PARD3B: variants seen among roughly 807,000 people sequenced by gnomAD.
PARD3B encodes the protein partitioning defective 3 homolog B.
A neutral mutation model predicts 130.2 loss-of-function variants in PARD3B; 103 were observed. The observed-to-expected ratio is 0.79, with a 90% CI of 0.67 to 0.93. The LOEUF is 0.93. Among genes scored for constraint, PARD3B ranks in the 40% least tolerant of loss-of-function variants. The pLI, the probability that PARD3B is intolerant of heterozygous loss-of-function variation, is 0.00. For missense variants in PARD3B, 1,609 were observed against 1,499.2 expected (o/e 1.07, Z -1.21); for synonymous variants, 583 against 553.2 (o/e 1.05, Z -0.76).
At chr2:204,797,354 A>G (rs867202528) in intron 2 of PARD3B, among the ~76,000 whole-genome samples, 1 of 152,148 alleles carries the variant, frequency 6.6e-6, no homozygotes. Context: ...TTATGTTTAA[A>G]TGGATTACAA....
At chr2:204,760,637 A>T (rs933527364) in intron 2 of PARD3B, among the ~76,000 whole-genome samples, 2 of 152,096 alleles carry the variant, frequency 1.3e-5, no homozygotes, top group Non-Finnish European at 2.9e-5. Context: ...TATTAAACTT[A>T]TCTCTCTTTT....
At chr2:205,354,466 A>C (rs1226751890) in intron 18 of PARD3B, among the ~76,000 whole-genome samples, 2 of 88,638 alleles carry the variant, frequency 2.3e-5, no homozygotes, top group Non-Finnish European at 3.1e-5. Flanking sequence ...TAATAAAAAA[A>C]ATGAAAAAAA....
rs576247378 is a variant in PARD3B, at chr2:204,721,396, G to A, written c.222+35114G>A. Among the ~76,000 whole-genome samples, 7 of 152,240 alleles carry A rather than the reference G, an allele frequency of 4.6e-5. No individual in the cohort carries two copies. The East Asian group carries it at 9.7e-4, about 21-fold the overall frequency. On this transcript the variant is annotated intron_variant, in intron 2 of 22. Coordinates refer to ENST00000406610, the MANE Select transcript of PARD3B (RefSeq NM_001302769.2). ...TCAGGCTAGTGAAAAAGGGCCAGTC[G>A]TTTCAGAGGCTGGAGGGGCTCTTTT...
At chr2:204,857,340 C>T (rs1390672364) in intron 2 of PARD3B, among the ~76,000 whole-genome samples, 2 of 152,104 alleles carry the variant, frequency 1.3e-5, no homozygotes, top group Non-Finnish European at 2.9e-5. Context: ...GTATCTGTCT[C>T]TCAAGCTATT....
chr2:205,098,500 G>A (rs972292557), intron 4 of PARD3B, among the ~76,000 whole-genome samples: 11 of 152,096 alleles, frequency 7.2e-5, no homozygotes, highest in African/African-American at 2.7e-4. Context: ...ATTTTGTAGC[G>A]ACACTAGACC....
intron 5 of PARD3B, among the ~76,000 whole-genome samples, chr2:205,110,449 C>G (rs1349257033): frequency 6.6e-6 from 1 of 152,128 alleles, no homozygotes; most frequent in African/African-American, 2.4e-5. Flanking sequence ...TCAATTAGAT[C>G]TTAGAGCATT....
At chr2:204,806,830 A>C (rs185828410) in intron 2 of PARD3B, among the ~76,000 whole-genome samples, 1 of 152,326 alleles carries the variant, frequency 6.6e-6, no homozygotes, top group East Asian at 1.9e-4. Flanking sequence ...AAATGGGCAA[A>C]AGATTTGAAT....
chr2:204,932,230 A>G (rs183478384), intron 2 of PARD3B, among the ~76,000 whole-genome samples: 1 of 152,114 alleles, frequency 6.6e-6, no homozygotes, highest in African/African-American at 2.4e-5. Flanking sequence ...GGCTCAAAGT[A>G]TTGTTGAAGC....
intron 14 of PARD3B, among the ~76,000 whole-genome samples, chr2:205,190,478 T>C (rs1368216677): frequency 6.6e-6 from 1 of 152,190 alleles, no homozygotes; most frequent in Non-Finnish European, 1.5e-5. Flanking sequence ...GTAAGCCACA[T>C]AGTAAAAGGT....
At chr2:204,604,821 A>C (rs140555851) in intron 1 of PARD3B, among the ~76,000 whole-genome samples, 3 of 152,296 alleles carry the variant, frequency 2.0e-5, no homozygotes, top group Non-Finnish European at 4.4e-5. Context: ...ATTTTATGAT[A>C]TCTCTTGGGC....
chr2:205,521,558 T>TTC (rs1553536415), intron 21 of PARD3B, among the ~76,000 whole-genome samples: 52 of 151,596 alleles, frequency 3.4e-4, no homozygotes, highest in Admixed American at 2.6e-3. Context: ...TATGATTTTT[T>TTC]TTCTTTTTCT....
chr2:204,930,186 T>A (rs949755190), intron 2 of PARD3B, among the ~76,000 whole-genome samples: 8 of 151,970 alleles, frequency 5.3e-5, no homozygotes, highest in African/African-American at 1.9e-4. Context: ...AAACCCTGTG[T>A]TCATTTACAT....
At chr2:205,359,465 A>G (rs2044310827) in intron 18 of PARD3B, among the ~76,000 whole-genome samples, 1 of 152,168 alleles carries the variant, frequency 6.6e-6, no homozygotes, top group South Asian at 2.1e-4. Context: ...ACTGAGTGCA[A>G]AGAGTTGGGT....
intron 4 of PARD3B, among the ~76,000 whole-genome samples, chr2:205,081,626 T>C (rs1175365364): frequency 6.6e-6 from 1 of 152,220 alleles, no homozygotes; most frequent in South Asian, 2.1e-4. Flanking sequence ...GTGTTAAATT[T>C]TGTCAAATAT....
chr2:205,557,334 T>C (rs2052934498), intron 22 of PARD3B, among the ~76,000 whole-genome samples: 2 of 152,314 alleles, frequency 1.3e-5, no homozygotes, highest in South Asian at 4.1e-4. Context: ...ATTCCAACCC[T>C]TTCTACTCCC....
At chr2:205,556,354 G>A (rs1031842776) in intron 22 of PARD3B, among the ~76,000 whole-genome samples, 4 of 152,094 alleles carry the variant, frequency 2.6e-5, no homozygotes, top group African/African-American at 7.2e-5. Context: ...TGGAGCCATC[G>A]ACACAGAGAG....
chr2:205,202,476 T>C (rs1331747900), intron 15 of PARD3B, among the ~76,000 whole-genome samples: 2 of 152,228 alleles, frequency 1.3e-5, no homozygotes, highest in Non-Finnish European at 2.9e-5. Context: ...AAACAATATC[T>C]TTTGTGTAGG....
chr2:204,573,526 G>C lies in PARD3B; in HGVS notation c.120+27407G>C, dbSNP rs561828428. 1.6e-4 allele frequency among the ~76,000 whole-genome samples: 24 copies of C among 152,268 alleles called. No individual in the cohort carries two copies. In the East Asian group the frequency reaches 4.2e-3, roughly 27 times the overall value. On this transcript the variant is annotated intron_variant, in intron 1 of 22. Coordinates refer to ENST00000406610, the MANE Select transcript of PARD3B (RefSeq NM_001302769.2). ...AGCACCAGGAGAGAGATGGTTACTTGTCCTTTTTTTGTGGATGTGTCCATA... is the reference window on the plus strand; with the variant it reads ...AGCACCAGGAGAGAGATGGTTACTTCTCCTTTTTTTGTGGATGTGTCCATA...
intron 1 of PARD3B, among the ~76,000 whole-genome samples, chr2:204,576,525 T>C (rs2032268909): frequency 6.6e-6 from 1 of 152,156 alleles, no homozygotes; most frequent in Non-Finnish European, 1.5e-5. Flanking sequence ...CATGTGTGTG[T>C]GCTCTTTTTT....
Sources: gnomAD v4.1 joint callset for allele counts (sites outside exome capture counted in the v4.1 genomes callset) on GRCh38, gnomAD v4.1.1 for gene constraint, MANE v1.5 for transcripts, NCBI Gene and HGNC (gene_info 2026-07-23, HGNC 2026-07-21) for gene names.